Variants in SPATA17 observed in about 807,000 individuals in gnomAD.
The protein encoded by SPATA17 is spermatogenesis associated 17, also known as spermatogenesis-associated protein 17.
In SPATA17, 53 loss-of-function variants were observed where a neutral mutation model predicts 62.2. The observed-to-expected ratio is 0.85, with a 90% CI of 0.68 to 1.07. The LOEUF is 1.07. Ranked by LOEUF, SPATA17 falls within the 50% of genes least tolerant of loss-of-function variation. The pLI is 0.00. For synonymous variants in SPATA17, 146 were observed against 146.8 expected, an observed-to-expected ratio of 0.99 and a Z score of 0.04; for missense variants, 466 against 425.5, an observed-to-expected ratio of 1.10 and a Z score of -0.84.
At chr1:217,778,721 A>G (rs945345581) in intron 7 of SPATA17, among the ~76,000 whole-genome samples, 29 of 152,210 alleles carry the variant, frequency 1.9e-4, no homozygotes, top group African/African-American at 5.8e-4. Flanking sequence ...CTACCACACT[A>G]TACAATATTC....
chr1:217,662,411 T>G (rs1272990727), intron 3 of SPATA17, among the ~76,000 whole-genome samples: 1 of 152,164 alleles, frequency 6.6e-6, no homozygotes, highest in Non-Finnish European at 1.5e-5. Flanking sequence ...TTTGTTGAAA[T>G]GTATTAATAG....
chr1:217,718,535 G>A (rs1332020910), intron 5 of SPATA17, among the ~76,000 whole-genome samples: 1 of 152,160 alleles, frequency 6.6e-6, no homozygotes, highest in Non-Finnish European at 1.5e-5. Flanking sequence ...AGTGACCCAG[G>A]AACCTGACGG....
intron 6 of SPATA17, among the ~76,000 whole-genome samples, chr1:217,761,365 A>C (rs1353457351): frequency 6.6e-6 from 1 of 152,126 alleles, no homozygotes; most frequent in African/African-American, 2.4e-5. Context: ...TTGTTTTCTG[A>C]GAATGCCTTG....
chr1:217,860,414 C>T (rs911858952), intron 9 of SPATA17, among the ~76,000 whole-genome samples: 2 of 152,114 alleles, frequency 1.3e-5, no homozygotes, highest in African/African-American at 4.8e-5. Flanking sequence ...CAATTATATA[C>T]AGTTTTATGG....
At chr1:217,730,348 C>A (rs1672376236) in intron 5 of SPATA17, among the ~76,000 whole-genome samples, 1 of 151,712 alleles carries the variant, frequency 6.6e-6, no homozygotes, top group African/African-American at 2.4e-5. Context: ...CTCAGAGTAC[C>A]TGGGATTACA....
intron 8 of SPATA17, among the ~76,000 whole-genome samples, chr1:217,800,208 G>C (rs565597993): frequency 6.6e-6 from 1 of 152,042 alleles, no homozygotes; most frequent in Non-Finnish European, 1.5e-5. Flanking sequence ...AAACTCTATG[G>C]GTGTAAAAGA....
chr1:217,687,993 A>G (rs886191887), intron 5 of SPATA17, among the ~76,000 whole-genome samples: 7 of 152,186 alleles, frequency 4.6e-5, no homozygotes, highest in African/African-American at 1.7e-4. Context: ...AACTTAAAAA[A>G]CATCATACAT....
At chr1:217,855,276 T>C (rs957532961) in intron 9 of SPATA17, among the ~76,000 whole-genome samples, 2 of 152,364 alleles carry the variant, frequency 1.3e-5, no homozygotes, top group South Asian at 2.1e-4. Context: ...CCTTTTTAAA[T>C]TGACACATCT....
In SPATA17 at chr1:217,861,800, A is replaced by G. The variant is rs116622858; in HGVS notation, c.1006-974A>G. 4.3e-3 allele frequency among the ~76,000 whole-genome samples: 656 copies of G among 152,224 alleles called. 5 individuals are homozygous for G. The highest frequency in any genetic ancestry group is 0.015 in the African/African-American group (628 of 41,532). ...TCAAAAGCAGTGTCTGTCACAACCC[A>G]CCATCCTTCATGTCACTTGGCCATG... On this transcript the variant is annotated intron_variant, in intron 9 of 10. Coordinates refer to ENST00000366933, the MANE Select transcript of SPATA17 (RefSeq NM_138796.4).
chr1:217,632,533 C>T (rs569954232), intron 1 of SPATA17, among the ~76,000 whole-genome samples: 2 of 152,304 alleles, frequency 1.3e-5, no homozygotes, highest in South Asian at 2.1e-4. Context: ...TATTTCACAA[C>T]GTACCTCTCT....
chr1:217,722,990 G>C (rs1672174986), intron 5 of SPATA17, among the ~76,000 whole-genome samples: 1 of 152,132 alleles, frequency 6.6e-6, no homozygotes, highest in Non-Finnish European at 1.5e-5. Flanking sequence ...GAATGGCTGG[G>C]TCCATGGGGT....
chr1:217,860,233 C>T (rs1408417229), intron 9 of SPATA17, among the ~76,000 whole-genome samples: 1 of 152,124 alleles, frequency 6.6e-6, no homozygotes, highest in Non-Finnish European at 1.5e-5. Context: ...TTACTGATTT[C>T]TAATTTAATT....
chr1:217,796,051 G>A (rs940477667), intron 8 of SPATA17, among the ~76,000 whole-genome samples: 1 of 152,094 alleles, frequency 6.6e-6, no homozygotes, highest in Non-Finnish European at 1.5e-5. Flanking sequence ...ACACACCTTG[G>A]CCTCCCAAAG....
At chr1:217,737,717 G>A (rs988943074) in intron 5 of SPATA17, 1 of 152,368 alleles carries the variant, frequency 6.6e-6, no homozygotes, top group Non-Finnish European at 1.5e-5. Flanking sequence ...GGAACTTTGG[G>A]TTTGGTTCTG....
chr1:217,711,575 G>A (rs1411266100), intron 5 of SPATA17, among the ~76,000 whole-genome samples: 1 of 152,070 alleles, frequency 6.6e-6, no homozygotes, highest in Non-Finnish European at 1.5e-5. Context: ...TTATATTGGA[G>A]CACCAATATT....
rs986506579 is a variant in SPATA17, at chr1:217,778,988, C to T, written c.724-3186C>T. Among the ~76,000 whole-genome samples the T allele has an allele frequency of 7.2e-5, 11 of 151,908 alleles. 1 individual carries two copies. The highest frequency in any genetic ancestry group is 2.7e-4 in the African/African-American group (11 of 41,398). ...AAGTGTATTTAGTATGTATGGAATG[C>T]ATAGGCAGAAGGTACATATATAGAA... On this transcript the variant is annotated intron_variant, in intron 7 of 10. Coordinates refer to ENST00000366933, the MANE Select transcript of SPATA17 (RefSeq NM_138796.4).
intron 5 of SPATA17, among the ~76,000 whole-genome samples, chr1:217,709,994 A>T (rs1671820872): frequency 6.6e-6 from 1 of 152,214 alleles, no homozygotes; most frequent in Non-Finnish European, 1.5e-5. Flanking sequence ...AATCATTTAA[A>T]GAAGAAAAGT....
intron 6 of SPATA17, among the ~76,000 whole-genome samples, chr1:217,746,510 AGC>A (rs1428694864): frequency 6.6e-6 from 1 of 151,474 alleles, no homozygotes; most frequent in Non-Finnish European, 1.5e-5. Context: ...TAATTTTGTA[AGC>A]CAAAATTGTA....
intron 5 of SPATA17, among the ~76,000 whole-genome samples, chr1:217,691,540 G>A (rs953714551): frequency 1.3e-5 from 1 of 79,284 alleles, no homozygotes; most frequent in Admixed American, 1.6e-4. Flanking sequence ...ATTGCTTTTG[G>A]TGTTTTGGAC....
Sources: gnomAD v4.1 joint callset for allele counts (sites outside exome capture counted in the v4.1 genomes callset) on GRCh38, gnomAD v4.1.1 for gene constraint, MANE v1.5 for transcripts, NCBI Gene and HGNC (gene_info 2026-07-23, HGNC 2026-07-21) for gene names.